Variants in NRXN3 observed in about 807,000 individuals in gnomAD.
NRXN3 encodes neurexin III.
In NRXN3, 32 loss-of-function variants were observed where a neutral mutation model predicts 137.6. The observed-to-expected ratio is 0.23, with a 90% CI of 0.18 to 0.31. The LOEUF (loss-of-function observed/expected upper bound fraction) is 0.31, where lower values mean the gene tolerates loss of function less well. Ranked by LOEUF, NRXN3 falls within the 10% of genes least tolerant of loss-of-function variation. NRXN3 has a pLI of 1.00. For synonymous variants in NRXN3, 798 were observed against 784.5 expected (o/e 1.02, Z -0.29); for missense variants, 1,574 against 2,062.5 (o/e 0.76, Z 4.59).
At chr14:79,789,886 C>T (rs1252037062) in intron 19 of NRXN3, among the ~76,000 whole-genome samples, 2 of 152,132 alleles carry the variant, frequency 1.3e-5, no homozygotes, top group Non-Finnish European at 2.9e-5. Flanking sequence ...TTTTACCCAG[C>T]TCCTATTCAA....
chr14:78,943,624 ATATATAT>A (rs2099358917), intron 10 of NRXN3, among the ~76,000 whole-genome samples: 213 of 15,840 alleles, frequency 0.013, 17 homozygotes, highest in Non-Finnish European at 0.02. Flanking sequence ...AAAAAAAAAT[ATATATAT>A]ATATATATAT....
chr14:78,380,999 C>T (rs561232652), intron 4 of NRXN3, among the ~76,000 whole-genome samples: 5 of 152,126 alleles, frequency 3.3e-5, no homozygotes, highest in East Asian at 3.9e-4. Flanking sequence ...TATGGCCACA[C>T]GAATATGCCC....
Position 78,839,506 on chromosome 14 carries a change from G to T in NRXN3, c.2275+29162G>T, listed in dbSNP as rs146430141. Among the ~76,000 whole-genome samples the T allele has an allele frequency of 1.8e-3, 268 of 152,284 alleles. 1 individual carries two copies. Among genetic ancestry groups the T allele is most frequent in the African/African-American group, 6.3e-3 (261 of 41,576 alleles). On this transcript the variant is annotated intron_variant, in intron 10 of 20. Coordinates refer to ENST00000335750, the MANE Select transcript of NRXN3 (RefSeq NM_001330195.2). Reference sequence around the variant, plus strand: ...GCTTTTCATCTGTCCAAGCTCTTCAGCTGAGCTTTCCTCACTGATGACAGC... The same window carrying T: ...GCTTTTCATCTGTCCAAGCTCTTCATCTGAGCTTTCCTCACTGATGACAGC...
At chr14:79,083,603 A>G (rs1486202606) in intron 15 of NRXN3, among the ~76,000 whole-genome samples, 1 of 152,224 alleles carries the variant, frequency 6.6e-6, no homozygotes, top group Non-Finnish European at 1.5e-5. Flanking sequence ...AATGTAAAAA[A>G]TGGTTTCGCT....
At chr14:78,384,138 C>T (rs2089585467) in intron 4 of NRXN3, among the ~76,000 whole-genome samples, 1 of 152,118 alleles carries the variant, frequency 6.6e-6, no homozygotes, top group Non-Finnish European at 1.5e-5. Flanking sequence ...CAGGTAGGAA[C>T]CAATGGGACT....
intron 19 of NRXN3, among the ~76,000 whole-genome samples, chr14:79,781,662 C>T (rs553299999): frequency 3.9e-5 from 6 of 152,300 alleles, no homozygotes; most frequent in Non-Finnish European, 8.8e-5. Flanking sequence ...AGGTCTGACA[C>T]CCATTAGCAT....
chr14:78,963,569 G>A (rs1037328664), intron 11 of NRXN3, among the ~76,000 whole-genome samples: 3 of 152,084 alleles, frequency 2.0e-5, no homozygotes, highest in African/African-American at 7.2e-5. Context: ...AGATTATGTT[G>A]CTTTGTATTT....
intron 16 of NRXN3, among the ~76,000 whole-genome samples, chr14:79,600,098 G>C (rs530221656): frequency 6.6e-6 from 1 of 152,318 alleles, no homozygotes; most frequent in Admixed American, 6.5e-5. Flanking sequence ...AAGTTAAAGG[G>C]CTTGAGCAAA....
intron 15 of NRXN3, among the ~76,000 whole-genome samples, chr14:79,269,243 G>T (rs1294999053): frequency 6.6e-6 from 1 of 152,088 alleles, no homozygotes; most frequent in Non-Finnish European, 1.5e-5. Context: ...TAGAGACGGG[G>T]TTTCACCATG....
intron 4 of NRXN3, among the ~76,000 whole-genome samples, chr14:78,400,314 A>G (rs762268561): frequency 2.0e-5 from 3 of 152,214 alleles, no homozygotes; most frequent in Non-Finnish European, 2.9e-5. Flanking sequence ...CAAAATTTCT[A>G]TAAACTCGAA....
At chr14:79,493,317 G>A (rs1233690765) in intron 16 of NRXN3, among the ~76,000 whole-genome samples, 1 of 152,202 alleles carries the variant, frequency 6.6e-6, no homozygotes, top group Admixed American at 6.5e-5. Flanking sequence ...ACAATTCAAA[G>A]CAAGAAAATA....
At chr14:79,849,653 G>C (rs910503700) in intron 20 of NRXN3, among the ~76,000 whole-genome samples, 1 of 152,142 alleles carries the variant, frequency 6.6e-6, no homozygotes, top group Non-Finnish European at 1.5e-5. Context: ...GTACACTGTG[G>C]GTGGGAATTT....
chr14:79,468,235 C>A (rs919554603), intron 16 of NRXN3, among the ~76,000 whole-genome samples: 1 of 152,164 alleles, frequency 6.6e-6, no homozygotes, highest in African/African-American at 2.4e-5. Flanking sequence ...AGAAAAAATT[C>A]TTTTGTTATA....
intron 16 of NRXN3, among the ~76,000 whole-genome samples, chr14:79,599,540 G>A (rs2097900102): frequency 6.6e-6 from 1 of 152,138 alleles, no homozygotes; most frequent in African/African-American, 2.4e-5. Flanking sequence ...TATTGGCCTT[G>A]TATGCAAGAC....
At chr14:79,221,281 G>T (rs1377357749) in intron 15 of NRXN3, among the ~76,000 whole-genome samples, 1 of 152,112 alleles carries the variant, frequency 6.6e-6, no homozygotes, top group Non-Finnish European at 1.5e-5. Context: ...TAATGGGATT[G>T]CTGGGTCAAA....
At chr14:78,657,173 A>T (rs1360486584) in intron 6 of NRXN3, among the ~76,000 whole-genome samples, 1 of 151,300 alleles carries the variant, frequency 6.6e-6, no homozygotes, top group East Asian at 1.9e-4. Context: ...CTCCCATTTC[A>T]GTTTCCAAAA....
At chr14:79,191,372 G>A (rs547864397) in intron 15 of NRXN3, among the ~76,000 whole-genome samples, 1 of 152,290 alleles carries the variant, frequency 6.6e-6, no homozygotes, top group South Asian at 2.1e-4. Flanking sequence ...TCGTCTAATG[G>A]CAGTTCTGCA....
intron 15 of NRXN3, among the ~76,000 whole-genome samples, chr14:79,373,181 T>C (rs1158988214): frequency 6.6e-6 from 1 of 152,172 alleles, no homozygotes; most frequent in East Asian, 1.9e-4. Flanking sequence ...ATATAGTTGT[T>C]ATTGCTGTGA....
intron 8 of NRXN3, among the ~76,000 whole-genome samples, chr14:78,716,262 C>T (rs2098433270): frequency 6.6e-6 from 1 of 152,188 alleles, no homozygotes; most frequent in African/African-American, 2.4e-5. Flanking sequence ...TTGCAGATTG[C>T]AGCTTGGTCT....
Sources: allele counts gnomAD v4.1 joint callset (sites outside exome capture counted in the v4.1 genomes callset), GRCh38; gene constraint gnomAD v4.1.1; transcripts MANE v1.5; gene names NCBI Gene and HGNC (gene_info 2026-07-23, HGNC 2026-07-21).